Variants in PEX14 observed in about 807,000 individuals in gnomAD.
The protein encoded by PEX14 is peroxisomal membrane protein PEX14.
In PEX14, 15 loss-of-function variants were observed where a neutral mutation model predicts 49.5. The ratio of observed to expected loss-of-function variants is 0.30; its 90% CI spans 0.20 to 0.47. PEX14 has a LOEUF of 0.47. Ranked by LOEUF, PEX14 falls within the 20% of genes least tolerant of loss-of-function variation. The probability of loss-of-function intolerance (pLI) is 1.00; values close to 1 mark genes in which losing one functional copy is unlikely to be tolerated. For missense variants in PEX14, 398 were observed against 494.8 expected (o/e 0.80, Z 1.86); for synonymous variants, 210 against 212.7 (o/e 0.99, Z 0.11).
At chr1:10,606,429 C>T (rs891191947) in intron 4 of PEX14, among the ~76,000 whole-genome samples, 43 of 152,192 alleles carry the variant, frequency 2.8e-4, no homozygotes, top group African/African-American at 9.9e-4. Flanking sequence ...TCCTTGCCTG[C>T]GAGTGAGGCT....
intron 3 of PEX14, among the ~76,000 whole-genome samples, chr1:10,578,891 A>G (rs375345253): frequency 6.6e-6 from 1 of 152,172 alleles, no homozygotes; most frequent in Non-Finnish European, 1.5e-5. Flanking sequence ...ATGGAGAGGA[A>G]AAATAGCTGG....
chr1:10,501,123 T>C (rs1641669719), intron 2 of PEX14, among the ~76,000 whole-genome samples: 3 of 152,130 alleles, frequency 2.0e-5, no homozygotes, highest in Admixed American at 2.0e-4. Context: ...AACTTTGAAG[T>C]ATTAAACGTA....
chr1:10,550,501 T>TA (rs1427841348), intron 3 of PEX14, among the ~76,000 whole-genome samples: 5 of 152,226 alleles, frequency 3.3e-5, no homozygotes, highest in Admixed American at 3.3e-4. Context: ...TCCACACCCT[T>TA]AGAGAACTTG....
intron 2 of PEX14, among the ~76,000 whole-genome samples, chr1:10,521,196 C>G (rs899423279): frequency 6.6e-6 from 1 of 151,032 alleles, no homozygotes. Flanking sequence ...TTCTTTTTCT[C>G]TCTTATCTTT....
intron 2 of PEX14, among the ~76,000 whole-genome samples, chr1:10,518,356 C>T (rs151070864): frequency 9.9e-5 from 15 of 152,206 alleles, no homozygotes; most frequent in East Asian, 7.7e-4. Context: ...CAGCTACACA[C>T]GGCTGATGGC....
intron 2 of PEX14, among the ~76,000 whole-genome samples, chr1:10,497,296 G>A (rs1031142766): frequency 1.3e-5 from 2 of 152,144 alleles, no homozygotes; most frequent in Non-Finnish European, 2.9e-5. Context: ...CAGGGCGGGG[G>A]CACAAGATGG....
chr1:10,541,597 A>G (rs905551884), intron 3 of PEX14, among the ~76,000 whole-genome samples: 1 of 152,156 alleles, frequency 6.6e-6, no homozygotes, highest in Admixed American at 6.5e-5. Flanking sequence ...GAGCATCTCC[A>G]TCCATCTGTT....
At position 10,524,374 on chromosome 1, in the gene PEX14, GAT is replaced by G. The variant is rs1466753166; in HGVS notation, c.85-11837_85-11836del. The G allele has an allele frequency of 1.1e-5, 7 of 608,976 alleles. No individual in the cohort carries two copies. The African/African-American group carries it at 1.4e-4, about 12-fold the overall frequency. The allele number at this position is 608,976 out of a possible 1,614,324, so 37.7% of individuals were successfully genotyped here. On this transcript the variant is annotated intron_variant, in intron 2 of 8. Transcript: ENST00000356607. ...CAAGATGGTAATTCATAATCCTTCA[GAT>G]AACAAAAAGTGAACTTCTCTGTTTC...
intron 5 of PEX14, 113 bp from the exon 6 acceptor site, chr1:10,622,906 G>A: frequency 1.3e-6 from 1 of 740,856 alleles, no homozygotes; most frequent in Non-Finnish European, 2.4e-6. Context: ...GTTTGCTTAG[G>A]GTTTCCAAAA....
rs190880993 is a variant in PEX14, at chr1:10,554,776, C to T, written c.169+18479C>T. Among the ~76,000 whole-genome samples the T allele has an allele frequency of 5.3e-5, 8 of 151,814 alleles. No individual in the cohort carries two copies. In the East Asian group the frequency reaches 5.8e-4, roughly 11 times the overall value. On this transcript the variant is annotated intron_variant, in intron 3 of 8. Coordinates refer to ENST00000356607, the MANE Select transcript of PEX14 (RefSeq NM_004565.3). The stretch of plus-strand genomic sequence containing the variant: ...TCACCCAGGCTGGAATACAGTGGCG[C>T]GATCTTGGCTCACTGCAACCTCCAT...
intron 2 of PEX14, among the ~76,000 whole-genome samples, chr1:10,508,454 G>A (rs1011837628): frequency 2.0e-5 from 3 of 152,186 alleles, no homozygotes; most frequent in African/African-American, 7.2e-5. Flanking sequence ...GCCTCCCAAA[G>A]TGCTGGGGTT....
intron 3 of PEX14, among the ~76,000 whole-genome samples, chr1:10,561,181 A>AC (rs1446088217): frequency 6.6e-6 from 1 of 152,178 alleles, no homozygotes; most frequent in Non-Finnish European, 1.5e-5. Context: ...ACACATAACC[A>AC]CACCATGTTA....
At chr1:10,488,437 G>A (rs141624630) in intron 1 of PEX14, among the ~76,000 whole-genome samples, 2,513 of 152,298 alleles carry the variant, frequency 0.017, 21 homozygotes, top group South Asian at 0.053. Flanking sequence ...GATTACAGGC[G>A]TGAGCCACCG....
In PEX14 at chr1:10,627,387, T is replaced by C. The variant is rs778790154; in HGVS notation, c.677+24T>C. Reference sequence around the variant, plus strand: ...CGGTAGGAGGGAGGAATGGGGACCCTGTTCTGGTCGGGCCTGGAAAGGAGG... The same window carrying C: ...CGGTAGGAGGGAGGAATGGGGACCCCGTTCTGGTCGGGCCTGGAAAGGAGG... On this transcript the variant is annotated intron_variant, in intron 8 of 8. Coordinates refer to ENST00000356607, the MANE Select transcript of PEX14 (RefSeq NM_004565.3). The C allele has an allele frequency of 5.3e-6, 8 of 1,516,664 alleles. No homozygotes were observed. In the African/African-American group the frequency reaches 6.9e-5, roughly 13 times the overall value. The allele number at this position is 1,516,664 out of a possible 1,614,324, so 94.0% of individuals were successfully genotyped here.
intron 2 of PEX14, chr1:10,535,967 T>A: frequency 2.1e-6 from 1 of 479,812 alleles, no homozygotes; most frequent in Non-Finnish European, 3.8e-6. Context: ...GGAAGGATCG[T>A]CGCAGGCCTG....
At chr1:10,584,078 A>G (rs1320163302) in intron 3 of PEX14, among the ~76,000 whole-genome samples, 1 of 152,214 alleles carries the variant, frequency 6.6e-6, no homozygotes, top group Non-Finnish European at 1.5e-5. Context: ...AAGCTGGGAG[A>G]CTAGTCTAGT....
intron 1 of PEX14, among the ~76,000 whole-genome samples, chr1:10,488,185 T>C (rs1003029488): frequency 2.6e-5 from 4 of 152,182 alleles, no homozygotes; most frequent in Non-Finnish European, 4.4e-5. Context: ...TTTTGGTATG[T>C]TGTGTCTCAA....
chr1:10,611,174 A>G (rs1641267775), intron 4 of PEX14, among the ~76,000 whole-genome samples: 2 of 152,092 alleles, frequency 1.3e-5, no homozygotes, highest in South Asian at 4.1e-4. Flanking sequence ...GAGGCAGGAG[A>G]ATCACTTGAA....
Position 10,505,938 on chromosome 1 carries a change from C to T in PEX14, c.84+10617C>T, listed in dbSNP as rs556509562. Among the ~76,000 whole-genome samples the T allele has an allele frequency of 2.6e-5, 4 of 152,316 alleles. No homozygotes were observed. In the East Asian group the frequency reaches 7.7e-4, roughly 29 times the overall value. Reference sequence around the variant, plus strand: ...TCAAGTGATCTGCCCGCCTCAGCCTCCCAAAGTGCTGGGATTACAGGCTTA... The same window carrying T: ...TCAAGTGATCTGCCCGCCTCAGCCTTCCAAAGTGCTGGGATTACAGGCTTA... On this transcript the variant is annotated intron_variant, in intron 2 of 8. Coordinates refer to ENST00000356607, the MANE Select transcript of PEX14 (RefSeq NM_004565.3).
Sources: allele counts gnomAD v4.1 joint callset (sites outside exome capture counted in the v4.1 genomes callset), GRCh38; gene constraint gnomAD v4.1.1; transcripts MANE v1.5; gene names NCBI Gene and HGNC (gene_info 2026-07-23, HGNC 2026-07-21).